LRRTM4: variants seen among roughly 807,000 people sequenced by gnomAD.
LRRTM4 encodes leucine rich repeat transmembrane neuronal 4.
In LRRTM4, 25 loss-of-function variants were observed where a neutral mutation model predicts 47.6. The observed-to-expected ratio is 0.53, with a 90% CI of 0.38 to 0.73. The LOEUF (loss-of-function observed/expected upper bound fraction) is 0.73, where lower values mean the gene tolerates loss of function less well. Among genes scored for constraint, LRRTM4 ranks in the 30% least tolerant of loss-of-function variants. The pLI is 0.00. For missense variants in LRRTM4, 638 were observed against 713.4 expected, an observed-to-expected ratio of 0.89 and a Z score of 1.20; for synonymous variants, 311 against 269.5, an observed-to-expected ratio of 1.15 and a Z score of -1.51.
At chr2:77,038,214 A>C (rs1394827401) in intron 3 of LRRTM4, among the ~76,000 whole-genome samples, 5 of 151,604 alleles carry the variant, frequency 3.3e-5, no homozygotes, top group Non-Finnish European at 7.4e-5. Flanking sequence ...TATTCTTTAC[A>C]AATCATTTAA....
At chr2:76,901,671 C>G (rs1159401277) in intron 3 of LRRTM4, among the ~76,000 whole-genome samples, 1 of 152,112 alleles carries the variant, frequency 6.6e-6, no homozygotes, top group East Asian at 1.9e-4. Flanking sequence ...ATGTTACTGT[C>G]TGTAGATATG....
intron 3 of LRRTM4, among the ~76,000 whole-genome samples, chr2:76,817,135 G>A (rs1670926072): frequency 6.6e-6 from 1 of 151,894 alleles, no homozygotes; most frequent in Non-Finnish European, 1.5e-5. Flanking sequence ...AAACTGAGAG[G>A]AGGGAGAAAG....
chr2:76,918,800 G>C (rs1256489672), intron 3 of LRRTM4, among the ~76,000 whole-genome samples: 2 of 152,076 alleles, frequency 1.3e-5, no homozygotes, highest in African/African-American at 4.8e-5. Context: ...GAAGTCTTCA[G>C]AAGAAATCCT....
intron 3 of LRRTM4, among the ~76,000 whole-genome samples, chr2:76,975,204 C>CT (rs1159714698): frequency 6.6e-6 from 1 of 151,568 alleles, no homozygotes; most frequent in East Asian, 1.9e-4. Context: ...AACTGAGTTT[C>CT]TTTTTTTCTC....
At chr2:76,816,478 A>G (rs755570351) in intron 3 of LRRTM4, among the ~76,000 whole-genome samples, 3 of 152,148 alleles carry the variant, frequency 2.0e-5, no homozygotes, top group Non-Finnish European at 2.9e-5. Context: ...AGTCCAGGAA[A>G]GCAGATATTC....
At chr2:77,073,494 A>G (rs908926074) in intron 3 of LRRTM4, among the ~76,000 whole-genome samples, 1 of 152,034 alleles carries the variant, frequency 6.6e-6, no homozygotes, top group Non-Finnish European at 1.5e-5. Context: ...CTATGTTATA[A>G]TTCCTTCTAT....
At chr2:77,031,029 C>T (rs1464388782) in intron 3 of LRRTM4, among the ~76,000 whole-genome samples, 1 of 152,120 alleles carries the variant, frequency 6.6e-6, no homozygotes. Context: ...TGTGAATAAA[C>T]TGTAAATATT....
intron 3 of LRRTM4, among the ~76,000 whole-genome samples, chr2:76,831,134 G>T (rs1671339500): frequency 6.6e-6 from 1 of 151,934 alleles, no homozygotes; most frequent in Non-Finnish European, 1.5e-5. Flanking sequence ...TTGTAATTTT[G>T]AAATACTAAG....
intron 3 of LRRTM4, among the ~76,000 whole-genome samples, chr2:76,969,199 G>A (rs1217422449): frequency 1.3e-5 from 2 of 151,924 alleles, no homozygotes; most frequent in African/African-American, 4.8e-5. Flanking sequence ...GGGCAGATTG[G>A]TCAGGTTGCC....
chr2:76,785,389 A>G (rs1252720006), intron 3 of LRRTM4, among the ~76,000 whole-genome samples: 1 of 152,174 alleles, frequency 6.6e-6, no homozygotes, highest in East Asian at 1.9e-4. Flanking sequence ...TTATAATCTT[A>G]TACATGTATT....
At chr2:77,058,923 G>A (rs949900466) in intron 3 of LRRTM4, among the ~76,000 whole-genome samples, 1 of 152,008 alleles carries the variant, frequency 6.6e-6, no homozygotes, top group East Asian at 1.9e-4. Flanking sequence ...TTAAAATGGA[G>A]TTTCTATAAA....
chr2:76,761,147 C>T (rs532348575), intron 3 of LRRTM4, among the ~76,000 whole-genome samples: 2 of 152,316 alleles, frequency 1.3e-5, no homozygotes, highest in East Asian at 1.9e-4. Context: ...CCCAGCAGGG[C>T]GTACACAGTA....
chr2:76,952,607 C>T (rs1054915759), intron 3 of LRRTM4, among the ~76,000 whole-genome samples: 4 of 151,972 alleles, frequency 2.6e-5, no homozygotes, highest in South Asian at 2.1e-4. Flanking sequence ...TAAATTAGTT[C>T]GGCACGGTGG....
At chr2:77,490,957 T>C (rs548704766) in intron 3 of LRRTM4, among the ~76,000 whole-genome samples, 1 of 142,640 alleles carries the variant, frequency 7.0e-6, no homozygotes, top group East Asian at 1.9e-4. Context: ...AAATGATTCA[T>C]TTTTTTTTCA....
chr2:77,054,805 G>C (rs746695689), intron 3 of LRRTM4, among the ~76,000 whole-genome samples: 23 of 152,176 alleles, frequency 1.5e-4, no homozygotes, highest in Non-Finnish European at 2.6e-4. Flanking sequence ...TTGAGTAATT[G>C]CTGTTTTTAA....
intron 3 of LRRTM4, among the ~76,000 whole-genome samples, chr2:76,867,235 A>T (rs1348743658): frequency 6.6e-6 from 1 of 152,206 alleles, no homozygotes; most frequent in Non-Finnish European, 1.5e-5. Context: ...AAAGTAAAAT[A>T]AAATAAGATA....
chr2:76,928,583 T>A (rs1674665028), intron 3 of LRRTM4, among the ~76,000 whole-genome samples: 1 of 152,124 alleles, frequency 6.6e-6, no homozygotes, highest in Non-Finnish European at 1.5e-5. Context: ...GTGCCTTAAA[T>A]GATTTCAGGG....
At chr2:77,204,657 C>G (rs2103907178) in intron 3 of LRRTM4, among the ~76,000 whole-genome samples, 1 of 152,240 alleles carries the variant, frequency 6.6e-6, no homozygotes, top group South Asian at 2.1e-4. Context: ...CTGCCATTCC[C>G]AAATCATAAC....
intron 3 of LRRTM4, among the ~76,000 whole-genome samples, chr2:77,400,815 C>A (rs1455641574): frequency 6.6e-6 from 1 of 151,770 alleles, no homozygotes; most frequent in East Asian, 1.9e-4. Flanking sequence ...GTTTACCCAA[C>A]CCCTATTTCC....
Sources: gnomAD v4.1 joint callset for allele counts (sites outside exome capture counted in the v4.1 genomes callset) on GRCh38, gnomAD v4.1.1 for gene constraint, MANE v1.5 for transcripts, NCBI Gene and HGNC (gene_info 2026-07-23, HGNC 2026-07-21) for gene names.